Variants in TATDN1 observed in about 807,000 individuals in gnomAD.
TATDN1 encodes the protein deoxyribonuclease TATDN1.
TATDN1 carries 40 observed loss-of-function variants against 46.4 expected under a neutral mutation model. That is an observed-to-expected ratio of 0.86 (90% CI 0.67 to 1.12). The LOEUF is 1.12. TATDN1 is among the 50% of genes most tolerant of loss of function. TATDN1 has a pLI of 0.00. For missense variants in TATDN1, 326 were observed against 348.4 expected (o/e 0.94, Z 0.51); for synonymous variants, 95 against 105.6 (o/e 0.90, Z 0.62).
chr8:124,495,339 CA>C (rs1032370207), intron 10 of TATDN1, 132 bp downstream of exon 10: 4 of 677,600 alleles, frequency 5.9e-6, no homozygotes, highest in South Asian at 3.5e-5. Context: ...TTCTGGAAAA[CA>C]TAATTGTTGA....
chr8:124,516,140 A>G, intron 4 of TATDN1, 110 bp from the exon 5 acceptor site: 1 of 903,268 alleles, frequency 1.1e-6, no homozygotes, highest in Non-Finnish European at 1.6e-6. Flanking sequence ...CAACAATGGC[A>G]ATAAATTACT....
Position 124,539,054 on chromosome 8 carries a change from C to A in TATDN1, c.-8G>T, listed in dbSNP as rs144730785. The A allele has an allele frequency of 9.7e-5, 156 of 1,613,170 alleles. No individual in the cohort carries two copies. The highest frequency in any genetic ancestry group is 5.0e-4 in the Admixed American group (30 of 60,004). On this transcript the variant is annotated 5_prime_UTR_variant, in exon 1 of 12. The change abolishes an upstream ATG in the 5' untranslated region. Transcript: ENST00000276692. ...AAACTTGAAGCGACTCATGACTGCGCATGGAGGACCTCCCCAGCGGAAGCG... is the reference window on the plus strand; with the variant it reads ...AAACTTGAAGCGACTCATGACTGCGAATGGAGGACCTCCCCAGCGGAAGCG...
intron 8 of TATDN1, among the ~76,000 whole-genome samples, chr8:124,506,022 T>C (rs1818379340): frequency 1.3e-5 from 2 of 152,054 alleles, no homozygotes; most frequent in African/African-American, 2.4e-5. Flanking sequence ...AAACTATTAA[T>C]AGAACCCAAG....
chr8:124,501,508 A>T (rs1817960074), intron 9 of TATDN1, among the ~76,000 whole-genome samples: 1 of 152,152 alleles, frequency 6.6e-6, no homozygotes. Context: ...AGAAAAGGTG[A>T]CTGTGAGGAA....
At chr8:124,535,289 TAC>T (rs1171714599) in intron 1 of TATDN1, among the ~76,000 whole-genome samples, 1 of 152,234 alleles carries the variant, frequency 6.6e-6, no homozygotes, top group African/African-American at 2.4e-5. Flanking sequence ...TATTTACTAT[TAC>T]ATCACAGTAC....
intron 9 of TATDN1, among the ~76,000 whole-genome samples, chr8:124,502,679 T>C (rs192171045): frequency 1.3e-3 from 195 of 151,006 alleles, no homozygotes; most frequent in African/African-American, 4.6e-3. Context: ...ACGGAACTAT[T>C]AGATTATCTA....
intron 1 of TATDN1, among the ~76,000 whole-genome samples, chr8:124,524,024 A>C (rs1157935507): frequency 6.6e-6 from 1 of 152,160 alleles, no homozygotes; most frequent in Non-Finnish European, 1.5e-5. Flanking sequence ...TAGCAGGAGG[A>C]GAATCTCAAA....
Position 124,515,743 on chromosome 8 carries a change from T to G in TATDN1, c.389+3A>C. The G allele has an allele frequency of 6.2e-7, 1 of 1,612,672 alleles. No homozygotes were observed. The highest frequency in any genetic ancestry group is 8.5e-7 in the Non-Finnish European group (1 of 1,179,348). ...AATTTGTAAAGCCAACAAATTTCCT[T>G]ACTTGAGTTGAGTATCTTTGGGACA... On this transcript the variant is annotated splice_donor_region_variant and intron_variant, in intron 6 of 11. Coordinates refer to ENST00000276692, the MANE Select transcript of TATDN1 (RefSeq NM_032026.4).
chr8:124,515,404 T>C (rs1383875921), intron 6 of TATDN1, among the ~76,000 whole-genome samples: 1 of 151,852 alleles, frequency 6.6e-6, no homozygotes, highest in African/African-American at 2.4e-5. Flanking sequence ...ACAATCACAT[T>C]CCCCAAAATA....
intron 6 of TATDN1, among the ~76,000 whole-genome samples, chr8:124,509,215 TAAG>T (rs1452458429): frequency 1.3e-5 from 2 of 152,328 alleles, no homozygotes; most frequent in Admixed American, 6.5e-5. Flanking sequence ...GAGTACTTGA[TAAG>T]AAGGTTTTTC....
At chr8:124,533,174 T>C (rs1796905812) in intron 1 of TATDN1, among the ~76,000 whole-genome samples, 1 of 150,932 alleles carries the variant, frequency 6.6e-6, no homozygotes, top group Middle Eastern at 3.4e-3. Context: ...ATGGTGTGAA[T>C]CCGGGAGGTG....
intron 1 of TATDN1, among the ~76,000 whole-genome samples, chr8:124,525,952 G>A (rs969284366): frequency 6.6e-6 from 1 of 152,180 alleles, no homozygotes; most frequent in Admixed American, 6.5e-5. Flanking sequence ...TAAATGATCA[G>A]GCCCAGAAAG....
At chr8:124,518,774 T>C (rs111484049) in intron 4 of TATDN1, 44 bp downstream of exon 4, 3 of 1,436,578 alleles carry the variant, frequency 2.1e-6, no homozygotes, top group Non-Finnish European at 2.9e-6. Flanking sequence ...TTCTTCAAAA[T>C]TACTTAATTC....
At chr8:124,512,640 G>A (rs148731353) in intron 6 of TATDN1, among the ~76,000 whole-genome samples, 29 of 152,346 alleles carry the variant, frequency 1.9e-4, no homozygotes, top group Admixed American at 5.9e-4. Flanking sequence ...TGCCTACCAT[G>A]TGCTGAGAGT....
Position 124,536,315 on chromosome 8 carries a change from C to T in TATDN1, c.22+2710G>A, listed in dbSNP as rs80345746. On this transcript the variant is annotated intron_variant, in intron 1 of 11. Transcript: ENST00000276692. ...CGTGTAATCCCAGAACTTTGGGAGGCGGAGGTGGAAGGACTGCTTAAGGCC... is the reference window on the plus strand; with the variant it reads ...CGTGTAATCCCAGAACTTTGGGAGGTGGAGGTGGAAGGACTGCTTAAGGCC... Among the ~76,000 whole-genome samples the T allele has an allele frequency of 4.1e-3, 624 of 152,154 alleles. 5 individuals are homozygous for T. Among genetic ancestry groups the T allele is most frequent in the African/African-American group, 0.014 (580 of 41,498 alleles).
chr8:124,506,353 A>AG (rs1426940569), intron 8 of TATDN1, among the ~76,000 whole-genome samples: 1 of 148,470 alleles, frequency 6.7e-6, no homozygotes, highest in African/African-American at 2.6e-5. Context: ...AAAAAAAAAA[A>AG]AAAGAAAAAG....
chr8:124,504,100 G>A, intron 9 of TATDN1, 171 bp downstream of exon 9: 1 of 704,322 alleles, frequency 1.4e-6, no homozygotes, highest in Non-Finnish European at 2.3e-6. Flanking sequence ...ACTTTTAATA[G>A]TAATGTACTG....
intron 3 of TATDN1, among the ~76,000 whole-genome samples, chr8:124,519,729 G>T (rs1236396384): frequency 1.3e-5 from 2 of 152,200 alleles, no homozygotes; most frequent in African/African-American, 4.8e-5. Flanking sequence ...GCATGCTAAT[G>T]AATTCTCTGT....
At chr8:124,523,279 C>A in intron 1 of TATDN1, 1 of 340,420 alleles carries the variant, frequency 2.9e-6, no homozygotes, top group South Asian at 3.7e-5. Context: ...TACTATGGGA[C>A]ACAGAAGAGG....
Sources: gnomAD v4.1 joint callset for allele counts (sites outside exome capture counted in the v4.1 genomes callset) on GRCh38, gnomAD v4.1.1 for gene constraint, MANE v1.5 for transcripts, NCBI Gene and HGNC (gene_info 2026-07-23, HGNC 2026-07-21) for gene names.